Variants in EIF2AK4 observed in about 807,000 individuals in gnomAD.
EIF2AK4 encodes the protein eIF-2-alpha kinase GCN2.
In EIF2AK4, 139 loss-of-function variants were observed where a neutral mutation model predicts 211.1. The observed-to-expected ratio is 0.66, with a 90% CI of 0.57 to 0.76. EIF2AK4 has a LOEUF of 0.76. Ranked by LOEUF, EIF2AK4 falls within the 30% of genes least tolerant of loss-of-function variation. The probability of loss-of-function intolerance (pLI) is 0.00; values close to 1 mark genes in which losing one functional copy is unlikely to be tolerated. For synonymous variants in EIF2AK4, 710 were observed against 751.3 expected, an observed-to-expected ratio of 0.94 and a Z score of 0.90; for missense variants, 1,664 against 2,043.8, an observed-to-expected ratio of 0.81 and a Z score of 3.58.
At chr15:39,995,593 A>T (rs1049265951) in intron 18 of EIF2AK4, among the ~76,000 whole-genome samples, 1 of 150,770 alleles carries the variant, frequency 6.6e-6, no homozygotes, top group African/African-American at 2.4e-5. Flanking sequence ...TTTATTGTAG[A>T]TACTTTTTTT....
At chr15:39,983,279 C>T (rs1303763740) in intron 13 of EIF2AK4, among the ~76,000 whole-genome samples, 1 of 152,192 alleles carries the variant, frequency 6.6e-6, no homozygotes, top group African/African-American at 2.4e-5. Context: ...TTTTGATTTG[C>T]ATTTCTCTAA....
intron 13 of EIF2AK4, among the ~76,000 whole-genome samples, chr15:39,984,354 T>G (rs2034835341): frequency 6.6e-6 from 1 of 152,208 alleles, no homozygotes; most frequent in Non-Finnish European, 1.5e-5. Context: ...TGGTCCCATA[T>G]AAAATTTAAA....
In EIF2AK4 at chr15:39,943,383, A is replaced by C; in HGVS notation, c.258A>C (p.Val86=). The C allele has an allele frequency of 9.7e-7, 1 of 1,029,930 alleles. No individual in the cohort carries two copies. The highest frequency in any genetic ancestry group is 1.4e-6 in the Non-Finnish European group (1 of 729,070). 63.8% of individuals were successfully genotyped at this position (1,029,930 alleles called of 1,614,324 possible). A position where few individuals can be genotyped will look rare whatever the true frequency, so the allele number is the denominator to read the frequency against. Residue 86 remains valine, a splice_region_variant and synonymous_variant, in exon 3 of 39, where the codon GTA becomes GTC. Transcript: ENST00000263791. ...RVKCPPTYPD[V]VPEIELKNAK... ...TTTTTTTTTTTTTTGCCTTTTCCAG[A>C]GTTCCTGAAATAGAGTTAAAAAATG...
rs953272383 is a variant in EIF2AK4, at chr15:39,939,506, T to C, written c.146T>C (p.Val49Ala). The part of the protein sequence containing the change: ...QDLRPDACGP[V>A]KEPPEINLVL... ...TTTTTTTTGTTTTTCCTCTTTTAGG[T>C]CAAAGAGCCCCCTGAAATCAATTTA... The change falls in exon 2 of 39, where the codon GTC becomes GCC. Residue 49 changes from valine to alanine, a missense_variant and splice_region_variant. By Grantham distance (64) the Val-to-Ala change is moderately conservative (BLOSUM62 0). Transcript: ENST00000263791. 3.1e-6 allele frequency: 5 copies of C among 1,595,574 alleles called. No homozygotes were observed. The Admixed American group carries it at 8.6e-5, about 28-fold the overall frequency.
intron 16 of EIF2AK4, 87 bp from the exon 17 acceptor site, chr15:39,992,088 C>T (rs954300614): frequency 4.2e-6 from 5 of 1,186,604 alleles, no homozygotes; most frequent in Non-Finnish European, 6.0e-6. Context: ...TGTAATATTT[C>T]CTCAGTCTTC....
intron 11 of EIF2AK4, chr15:39,974,848 G>C (rs1266120334): frequency 3.3e-5 from 5 of 152,238 alleles, no homozygotes; most frequent in Non-Finnish European, 7.3e-5. Context: ...TTCTGTGTCA[G>C]AGTAGGGCAG....
chr15:39,967,125 A>C (rs1272666956), intron 8 of EIF2AK4, among the ~76,000 whole-genome samples: 1 of 152,158 alleles, frequency 6.6e-6, no homozygotes, highest in Non-Finnish European at 1.5e-5. Context: ...ATCTTTATGA[A>C]CTATTAGATT....
rs767159012 is a variant in EIF2AK4 at position 40,016,604 on chromosome 15, G to T, written c.3862G>T (p.Val1288Leu). The stretch of plus-strand genomic sequence containing the variant: ...ACAGAAAACAGGTATTGCACAGTTG[G>T]TGAAGTATGGCTTAAAAGACCTAGA... ...IKQKTGIAQLVKYGLKDLEEV... is the reference protein window; with the variant it reads ...IKQKTGIAQLLKYGLKDLEEV... Residue 1288 changes from valine to leucine, a missense_variant, in exon 28 of 39, where the codon GTG becomes TTG. Transcript: ENST00000263791. 3 of 1,614,238 alleles carry T rather than the reference G, an allele frequency of 1.9e-6. No homozygotes were observed. The East Asian group carries it at 6.7e-5, about 36-fold the overall frequency.
At chr15:40,008,965 C>A (rs2035199400) in intron 25 of EIF2AK4, among the ~76,000 whole-genome samples, 1 of 152,174 alleles carries the variant, frequency 6.6e-6, no homozygotes. Context: ...ATAACTATTC[C>A]ACTGGCCTGT....
At chr15:40,031,717 TAAGAGC>T (rs1385613602) in intron 35 of EIF2AK4, among the ~76,000 whole-genome samples, 4 of 151,522 alleles carry the variant, frequency 2.6e-5, no homozygotes, top group Non-Finnish European at 5.9e-5. Flanking sequence ...CTGAGTGGAT[TAAGAGC>T]AAATCTTCTT....
Position 39,997,039 on chromosome 15 carries a change from A to G in EIF2AK4, c.2842A>G (p.Ile948Val). ...CCCCATGGTCACGGCTTCAGAAAGG[A>G]TCTTTGTTCTCAACCAACTCAGAGA... is the stretch of plus-strand genomic sequence containing the variant. ...YHPMVTASER[I>V]FVLNQLRDPT... The change falls in exon 19 of 39, where the codon ATC becomes GTC. Residue 948 changes from isoleucine to valine, a missense_variant. Transcript: ENST00000263791. 1 of 1,613,894 alleles carries G rather than the reference A, an allele frequency of 6.2e-7. No individual in the cohort carries two copies. Among genetic ancestry groups the G allele is most frequent in the Non-Finnish European group, 8.5e-7 (1 of 1,179,820 alleles).
chr15:39,934,327 C>A lies in EIF2AK4; in HGVS notation c.132C>A (p.Asp44Glu), dbSNP rs761154197. ...CGGACTTCCAAGACCTGCGGCCGGA[C>A]GCTTGCGGACCGGTAGGAACGTGGC... ...YGADFQDLRP[D>E]ACGPVKEPPE... The change falls in exon 1 of 39, where the codon GAC (aspartate) becomes GAA (glutamate). Residue 44 changes from aspartate to glutamate, a missense_variant. By Grantham distance (45) the Asp-to-Glu change is conservative. Coordinates refer to ENST00000263791, the MANE Select transcript of EIF2AK4 (RefSeq NM_001013703.4). The A allele has an allele frequency of 9.3e-6, 15 of 1,609,232 alleles. No homozygotes were observed. The highest frequency in any genetic ancestry group is 2.2e-5 in the East Asian group (1 of 44,656).
intron 13 of EIF2AK4, among the ~76,000 whole-genome samples, chr15:39,978,447 A>G (rs1433057828): frequency 6.6e-6 from 1 of 152,180 alleles, no homozygotes; most frequent in African/African-American, 2.4e-5. Context: ...ATGGTTGGGG[A>G]TAAGAATTGA....
intron 1 of EIF2AK4, among the ~76,000 whole-genome samples, chr15:39,937,615 T>C (rs907125578): frequency 6.6e-6 from 1 of 152,212 alleles, no homozygotes; most frequent in African/African-American, 2.4e-5. Context: ...GGGTTTTTTT[T>C]CCCCCTCTGT....
intron 21 of EIF2AK4, among the ~76,000 whole-genome samples, chr15:40,001,565 C>T (rs1213245874): frequency 2.2e-5 from 3 of 138,336 alleles, no homozygotes; most frequent in Admixed American, 8.3e-5. Context: ...GGGAGGCAGG[C>T]GGAGGTTGCA....
intron 33 of EIF2AK4, among the ~76,000 whole-genome samples, chr15:40,027,803 A>G (rs549265142): frequency 6.6e-6 from 1 of 151,920 alleles, no homozygotes; most frequent in South Asian, 2.1e-4. Flanking sequence ...AGGCAGGAGA[A>G]TGGCGTGAAC....
chr15:40,000,990 A>G lies in EIF2AK4; in HGVS notation c.2925A>G (p.Lys975=). The G allele has an allele frequency of 6.2e-7, 1 of 1,614,166 alleles. No individual in the cohort carries two copies. Among genetic ancestry groups the G allele is most frequent in the Non-Finnish European group, 8.5e-7 (1 of 1,180,022 alleles). ...AGTGTGCCTGGGTTTTATTGTAGAA[A>G]TCAGTCATCTCCTGGCTGTTGAACC... ...DFDDGEHAKQ[K]SVISWLLNHD... Residue 975 remains lysine, a splice_region_variant and synonymous_variant, in exon 21 of 39, where the codon AAA becomes AAG. Coordinates refer to ENST00000263791, the MANE Select transcript of EIF2AK4 (RefSeq NM_001013703.4).
intron 5 of EIF2AK4, among the ~76,000 whole-genome samples, chr15:39,954,787 C>G (rs2034367193): frequency 1.3e-5 from 2 of 152,180 alleles, no homozygotes; most frequent in South Asian, 2.1e-4. Flanking sequence ...AAATTTTACT[C>G]ATTCTCTTTT....
intron 7 of EIF2AK4, among the ~76,000 whole-genome samples, chr15:39,962,381 TATCA>T (rs2034484869): frequency 6.6e-6 from 1 of 152,376 alleles, no homozygotes; most frequent in South Asian, 2.1e-4. Context: ...ATTAAAATAT[TATCA>T]GTCAGTAGAA....
Sources: allele counts gnomAD v4.1 joint callset (sites outside exome capture counted in the v4.1 genomes callset), GRCh38; gene constraint gnomAD v4.1.1; transcripts MANE v1.5; gene names NCBI Gene and HGNC (gene_info 2026-07-23, HGNC 2026-07-21).